Variants in RBFOX3 observed in about 807,000 individuals in gnomAD.
RBFOX3 encodes the protein RNA binding fox-1 homolog 3.
In RBFOX3, 17 loss-of-function variants were observed where a neutral mutation model predicts 48.7. That is an observed-to-expected ratio of 0.35 (90% confidence interval 0.24 to 0.52). RBFOX3 has a LOEUF of 0.52. RBFOX3 is among the 20% of genes least tolerant of loss of function. RBFOX3 has a pLI of 0.94. For missense variants in RBFOX3, 382 were observed against 497.5 expected, an observed-to-expected ratio of 0.77 and a Z score of 2.21; for synonymous variants, 212 against 209.5, an observed-to-expected ratio of 1.01 and a Z score of -0.10.
intron 3 of RBFOX3, among the ~76,000 whole-genome samples, chr17:79,289,605 C>G (rs2072815080): frequency 6.6e-6 from 1 of 152,252 alleles, no homozygotes; most frequent in Non-Finnish European, 1.5e-5. Flanking sequence ...GATGTTAACT[C>G]TCTGGTCCTA....
chr17:79,512,992 GTA>G (rs2149885228), intron 1 of RBFOX3, among the ~76,000 whole-genome samples: 1 of 139,858 alleles, frequency 7.2e-6, no homozygotes, highest in East Asian at 2.1e-4. Flanking sequence ...TTACCATCGG[GTA>G]CAGCCCCATG....
At chr17:79,231,581 T>C (rs749138090) in intron 4 of RBFOX3, among the ~76,000 whole-genome samples, 16 of 152,294 alleles carry the variant, frequency 1.1e-4, no homozygotes, top group South Asian at 8.3e-4. Context: ...CTAGAACTAG[T>C]AAATAGATTT....
In RBFOX3 at chr17:79,390,102, C is replaced by T. The variant is rs1005090787; in HGVS notation, c.-174-82278G>A. On this transcript the variant is annotated intron_variant, in intron 2 of 14. Coordinates refer to ENST00000693108, the MANE Select transcript of RBFOX3 (RefSeq NM_001350451.2). This position sits in a 1 kb window ranked among gnomAD's most constrained non-coding sequence, Gnocchi z 4.2. ...CGGGTCTCCGCAGCCTCCGGGTCTC[C>T]GTAGCCAGCCACCCGGCCGAGGGGC... is the stretch of plus-strand genomic sequence containing the variant. Among the ~76,000 whole-genome samples, 15 of 152,132 alleles carry T rather than the reference C, an allele frequency of 9.9e-5. No homozygotes were observed. The highest frequency in any genetic ancestry group is 2.0e-4 in the Admixed American group (3 of 15,282).
At chr17:79,283,924 T>C (rs1330507911) in intron 3 of RBFOX3, among the ~76,000 whole-genome samples, 1 of 138,234 alleles carries the variant, frequency 7.2e-6, no homozygotes, top group Non-Finnish European at 1.6e-5. Flanking sequence ...ATCGTAACAT[T>C]TGCCTGTTTC....
intron 4 of RBFOX3, among the ~76,000 whole-genome samples, chr17:79,171,721 C>T (rs1439494038): frequency 9.2e-6 from 1 of 109,042 alleles, no homozygotes; most frequent in East Asian, 2.3e-4. Context: ...CTCAACCTCC[C>T]AAAGTGCTGG....
intron 1 of RBFOX3, among the ~76,000 whole-genome samples, chr17:79,581,642 G>T (rs1488065930): frequency 6.6e-6 from 1 of 152,272 alleles, no homozygotes; most frequent in Admixed American, 6.5e-5. Context: ...ATATGCGGGA[G>T]GTTTCCACTT....
intron 3 of RBFOX3, among the ~76,000 whole-genome samples, chr17:79,266,438 T>C (rs894118087): frequency 9.2e-5 from 14 of 152,176 alleles, no homozygotes; most frequent in Non-Finnish European, 1.3e-4. Context: ...TTCCTTTTCT[T>C]AGGGGGTATT....
intron 2 of RBFOX3, among the ~76,000 whole-genome samples, chr17:79,343,426 A>C (rs977367221): frequency 6.6e-6 from 1 of 152,166 alleles, no homozygotes; most frequent in Non-Finnish European, 1.5e-5. Context: ...CTGAGGCATG[A>C]GAATTGCTTG....
At chr17:79,539,682 T>G (rs182154880) in intron 1 of RBFOX3, among the ~76,000 whole-genome samples, 1 of 152,210 alleles carries the variant, frequency 6.6e-6, no homozygotes, top group African/African-American at 2.4e-5. Flanking sequence ...TCCCAGACTA[T>G]TCATTTCACT....
intron 1 of RBFOX3, among the ~76,000 whole-genome samples, chr17:79,592,098 T>C (rs1334474098): frequency 6.7e-6 from 1 of 149,016 alleles, no homozygotes; most frequent in Non-Finnish European, 1.5e-5. Context: ...TATGCATGCA[T>C]GTGTGTGTGT....
chr17:79,608,935 A>G (rs1599285447), intron 1 of RBFOX3, among the ~76,000 whole-genome samples: 1 of 79,140 alleles, frequency 1.3e-5, no homozygotes, highest in Admixed American at 1.3e-4. Flanking sequence ...CGCCCCCGCC[A>G]TGCCGCCCCC....
At chr17:79,202,561 A>C (rs1457928367) in intron 4 of RBFOX3, among the ~76,000 whole-genome samples, 1 of 152,254 alleles carries the variant, frequency 6.6e-6, no homozygotes, top group Non-Finnish European at 1.5e-5. Flanking sequence ...TGACTATGTC[A>C]GTGTTACATC....
intron 4 of RBFOX3, among the ~76,000 whole-genome samples, chr17:79,222,545 C>G (rs921774121): frequency 2.0e-5 from 3 of 152,248 alleles, no homozygotes; most frequent in African/African-American, 7.2e-5. Flanking sequence ...CATTCTGTAG[C>G]CCCTTGCCGA....
chr17:79,575,028 C>G (rs1011007063), intron 1 of RBFOX3, among the ~76,000 whole-genome samples: 1 of 152,256 alleles, frequency 6.6e-6, no homozygotes, highest in African/African-American at 2.4e-5. Flanking sequence ...TGAGTGCATA[C>G]TGGAACCAGC....
chr17:79,521,185 CACAG>C (rs2086015063), intron 1 of RBFOX3, among the ~76,000 whole-genome samples: 1 of 151,996 alleles, frequency 6.6e-6, no homozygotes, highest in Non-Finnish European at 1.5e-5. Context: ...TACAGGCATG[CACAG>C]ACACACACAG....
In RBFOX3 at chr17:79,405,407, ATT is replaced by A. The variant is rs11352770; in HGVS notation, c.-175+77045_-175+77046del. On this transcript the variant is annotated intron_variant, in intron 2 of 14. Coordinates refer to ENST00000693108, the MANE Select transcript of RBFOX3 (RefSeq NM_001350451.2). ...CAACTAGGGTTTGACATTTGTTTAC[ATT>A]TTTTTTTTCTTTTGAGGTAAAAATT... Among the ~76,000 whole-genome samples the A allele has an allele frequency of 8.6e-5, 13 of 151,748 alleles. No homozygotes were observed. In the South Asian group the frequency reaches 1.0e-3, roughly 12 times the overall value.
rs1443672384 is a variant in RBFOX3 at position 79,473,750 on chromosome 17, T to A, written c.-175+8704A>T. On this transcript the variant is annotated intron_variant, in intron 2 of 14. Transcript: ENST00000693108. The surrounding 1 kb of genome is among the most constrained non-coding windows in gnomAD (Gnocchi z 4.2). ...ACTCAGAAACACCATCTGTCCAAGC[T>A]CCATCTCCCCTCCCACCCCAAAGGA... Among the ~76,000 whole-genome samples the A allele has an allele frequency of 6.6e-6, 1 of 151,964 alleles. No individual in the cohort carries two copies. Among genetic ancestry groups the A allele is most frequent in the Non-Finnish European group, 1.5e-5 (1 of 67,988 alleles).
At chr17:79,662,172 G>C in the RBFOX3 span, among the ~76,000 whole-genome samples, 3 of 112,508 alleles carry the variant, frequency 2.7e-5, no homozygotes, top group South Asian at 9.3e-4. Context: ...CTCCAGGCTG[G>C]AGTGCGGTGG....
chr17:79,276,793 C>T (rs1304856655), intron 3 of RBFOX3, among the ~76,000 whole-genome samples: 1 of 152,190 alleles, frequency 6.6e-6, no homozygotes, highest in African/African-American at 2.4e-5. Context: ...CTCAGCAGTC[C>T]ACGTGCATTG....
Sources: allele counts gnomAD v4.1 joint callset (sites outside exome capture counted in the v4.1 genomes callset), GRCh38; gene constraint gnomAD v4.1.1; non-coding constraint Gnocchi (gnomAD v3.1); transcripts MANE v1.5; gene names NCBI Gene and HGNC (gene_info 2026-07-23, HGNC 2026-07-21).